Variants in L3MBTL4 observed in about 807,000 individuals in gnomAD.
The protein encoded by L3MBTL4 is lethal(3)malignant brain tumor-like protein 4.
In L3MBTL4, 70 loss-of-function variants were observed where a neutral mutation model predicts 84.5. That is an observed-to-expected ratio of 0.83 (90% CI 0.68 to 1.01). The LOEUF is 1.01. Ranked by LOEUF, L3MBTL4 falls within the 50% of genes least tolerant of loss-of-function variation. The pLI, the probability that L3MBTL4 is intolerant of heterozygous loss-of-function variation, is 0.00. For synonymous variants in L3MBTL4, 274 were observed against 259.8 expected (o/e 1.05, Z -0.52); for missense variants, 715 against 754.8 (o/e 0.95, Z 0.62).
chr18:6,251,397 A>T (rs1208219358), intron 5 of L3MBTL4, among the ~76,000 whole-genome samples: 1 of 152,264 alleles, frequency 6.6e-6, no homozygotes, highest in Non-Finnish European at 1.5e-5. Context: ...TAAGATAGAG[A>T]AGGAATAGTT....
chr18:6,404,076 T>A (rs1212789751), intron 1 of L3MBTL4, among the ~76,000 whole-genome samples: 1 of 126,426 alleles, frequency 7.9e-6, no homozygotes, highest in Admixed American at 9.2e-5. Flanking sequence ...AATGATACAA[T>A]GGACTTTGGG....
At chr18:6,260,561 G>C (rs2048354602) in intron 5 of L3MBTL4, 1 of 152,098 alleles carries the variant, frequency 6.6e-6, no homozygotes, top group Non-Finnish European at 1.5e-5. Context: ...AATTGGGATT[G>C]TGTTCTTGAT....
intron 13 of L3MBTL4, among the ~76,000 whole-genome samples, chr18:6,156,235 C>T (rs1258935127): frequency 6.6e-6 from 1 of 152,170 alleles, no homozygotes; most frequent in Non-Finnish European, 1.5e-5. Context: ...CACTACCACG[C>T]CATGAGTGTT....
At chr18:6,291,075 T>C (rs761862935) in intron 4 of L3MBTL4, among the ~76,000 whole-genome samples, 1 of 152,180 alleles carries the variant, frequency 6.6e-6, no homozygotes, top group African/African-American at 2.4e-5. Flanking sequence ...GATGAGAAAC[T>C]GACATTTTTC....
intron 13 of L3MBTL4, among the ~76,000 whole-genome samples, chr18:6,162,936 C>T (rs59888617): frequency 0.036 from 5,521 of 152,138 alleles, 343 homozygotes; most frequent in African/African-American, 0.12. Flanking sequence ...GTGAGTAATG[C>T]ATTGACTGTG....
intron 16 of L3MBTL4, among the ~76,000 whole-genome samples, chr18:5,994,560 T>C (rs1273769406): frequency 2.6e-5 from 4 of 152,116 alleles, no homozygotes; most frequent in African/African-American, 9.7e-5. Flanking sequence ...GCAAAGTTAA[T>C]AAGTATTAAT....
chr18:6,347,103 T>C (rs1170081031), intron 1 of L3MBTL4, among the ~76,000 whole-genome samples: 3 of 152,086 alleles, frequency 2.0e-5, no homozygotes, highest in Non-Finnish European at 4.4e-5. Context: ...GATCTCTTTA[T>C]ATGTGAGATC....
chr18:6,176,058 C>A (rs1182911902), intron 12 of L3MBTL4, among the ~76,000 whole-genome samples: 1 of 152,056 alleles, frequency 6.6e-6, no homozygotes, highest in Non-Finnish European at 1.5e-5. Context: ...GATGATCCCA[C>A]ACAAGTGAAG....
chr18:5,956,092 A>T lies in L3MBTL4; in HGVS notation c.*128T>A. On this transcript the variant is annotated 3_prime_UTR_variant, in exon 19 of 19. Coordinates refer to ENST00000317931, the MANE Select transcript of L3MBTL4 (RefSeq NM_001330559.2). ...TCCTCTAAACATGTAAACAAATCAC[A>T]GACACTTTAAAAAGTCCAGATTCAG... The T allele has an allele frequency of 1.2e-6, 1 of 808,172 alleles. No individual in the cohort carries two copies. The allele number at this position is 808,172 out of a possible 1,614,324, so 50.1% of individuals were successfully genotyped here. A position where few individuals can be genotyped will look rare whatever the true frequency, so the allele number is the denominator to read the frequency against.
intron 5 of L3MBTL4, among the ~76,000 whole-genome samples, chr18:6,257,645 CT>C (rs770563046): frequency 0.024 from 3,094 of 127,476 alleles, 69 homozygotes; most frequent in African/African-American, 0.069. Context: ...TTTTCTTTTT[CT>C]TTTTTTTTTT....
intron 1 of L3MBTL4, among the ~76,000 whole-genome samples, chr18:6,351,240 T>C (rs1450479162): frequency 1.3e-5 from 2 of 152,108 alleles, no homozygotes; most frequent in East Asian, 1.9e-4. Context: ...GAAAACATTA[T>C]GCTAAGCAAA....
chr18:5,972,401 G>C (rs2052680379), intron 16 of L3MBTL4, among the ~76,000 whole-genome samples: 1 of 152,130 alleles, frequency 6.6e-6, no homozygotes, highest in South Asian at 2.1e-4. Flanking sequence ...GGGACTGGAG[G>C]TGACAGTGTC....
intron 14 of L3MBTL4, among the ~76,000 whole-genome samples, chr18:6,126,749 T>C: frequency 6.6e-6 from 1 of 152,242 alleles, no homozygotes. Flanking sequence ...TAAAGATCCA[T>C]GACTGATCTT....
At chr18:6,125,567 T>C (rs996175544) in intron 14 of L3MBTL4, among the ~76,000 whole-genome samples, 2 of 152,118 alleles carry the variant, frequency 1.3e-5, no homozygotes, top group African/African-American at 4.8e-5. Context: ...TAGCTAGGAC[T>C]ACAGGCACAC....
In L3MBTL4 at chr18:6,388,346, T is replaced by C. The variant is rs1222910482; in HGVS notation, c.-91+26455A>G. ...TACGGGAATGGCAGAATAAAACATG[T>C]CCCTGGATATGCCAGCATTATTTGC... is the stretch of plus-strand genomic sequence containing the variant. On this transcript the variant is annotated intron_variant, in intron 1 of 18. Coordinates refer to ENST00000317931, the MANE Select transcript of L3MBTL4 (RefSeq NM_001330559.2). Among the ~76,000 whole-genome samples the C allele has an allele frequency of 3.3e-5, 5 of 152,326 alleles. No homozygotes were observed. In the East Asian group the frequency reaches 7.7e-4, roughly 23 times the overall value.
intron 16 of L3MBTL4, among the ~76,000 whole-genome samples, chr18:6,071,995 TAACA>T (rs1424561545): frequency 1.3e-5 from 2 of 151,956 alleles, no homozygotes; most frequent in Admixed American, 6.6e-5. Context: ...GAAATAAATA[TAACA>T]AACAAATACT....
chr18:6,203,045 G>A (rs1164796925), intron 12 of L3MBTL4, among the ~76,000 whole-genome samples: 5 of 152,126 alleles, frequency 3.3e-5, no homozygotes, highest in Admixed American at 1.3e-4. Flanking sequence ...ATGCCTGCTG[G>A]GCACTTCATG....
At chr18:6,270,463 T>C (rs576523449) in intron 4 of L3MBTL4, among the ~76,000 whole-genome samples, 54 of 152,182 alleles carry the variant, frequency 3.5e-4, no homozygotes, top group African/African-American at 1.3e-3. Context: ...TAACCTGACA[T>C]ATGGTGGGAC....
chr18:6,174,858 C>T (rs1599014793), intron 12 of L3MBTL4, among the ~76,000 whole-genome samples: 2 of 138,922 alleles, frequency 1.4e-5, no homozygotes, highest in Non-Finnish European at 3.0e-5. Flanking sequence ...CAGAGCGAAA[C>T]TCTGTCAAAA....
Sources: allele counts gnomAD v4.1 joint callset (sites outside exome capture counted in the v4.1 genomes callset), GRCh38; gene constraint gnomAD v4.1.1; transcripts MANE v1.5; gene names NCBI Gene and HGNC (gene_info 2026-07-23, HGNC 2026-07-21).